EPN2: variants seen among roughly 807,000 people sequenced by gnomAD.
The protein encoded by EPN2 is epsin-2.
EPN2 carries 34 observed loss-of-function variants against 61.7 expected under a neutral mutation model. The observed-to-expected ratio is 0.55, with a 90% CI of 0.42 to 0.73. EPN2 has a LOEUF of 0.73. EPN2 is among the 30% of genes least tolerant of loss of function. The pLI, the probability that EPN2 is intolerant of heterozygous loss-of-function variation, is 0.00. For missense variants in EPN2, 714 were observed against 839.2 expected, an observed-to-expected ratio of 0.85 and a Z score of 1.84; for synonymous variants, 349 against 353.6, an observed-to-expected ratio of 0.99 and a Z score of 0.15.
chr17:19,260,043 T>G (rs137890813), intron 1 of EPN2, among the ~76,000 whole-genome samples: 3 of 152,332 alleles, frequency 2.0e-5, no homozygotes, highest in Non-Finnish European at 4.4e-5. Flanking sequence ...CCACACTCCC[T>G]GTGGACTGTG....
intron 9 of EPN2, chr17:19,330,567 G>C (rs1907112027): frequency 1.3e-5 from 2 of 152,436 alleles, no homozygotes; most frequent in African/African-American, 4.8e-5. Flanking sequence ...GCTTTTTTGG[G>C]TCTTTCCTTT....
chr17:19,286,961 G>A (rs1010768106), intron 4 of EPN2, among the ~76,000 whole-genome samples: 17 of 152,260 alleles, frequency 1.1e-4, no homozygotes, highest in Admixed American at 3.3e-4. Context: ...AGCAGGTCCC[G>A]CGGAACTCTC....
In EPN2 at chr17:19,336,671, G is replaced by C. The variant is rs904114940; in HGVS notation, c.*2417G>C. The C allele has an allele frequency of 6.6e-6, 1 of 152,604 alleles. No homozygotes were observed. The highest frequency in any genetic ancestry group is 1.5e-5 in the Non-Finnish European group (1 of 68,064). 9.5% of individuals were successfully genotyped at this position (152,604 alleles called of 1,614,324 possible). On this transcript the variant is annotated 3_prime_UTR_variant, in exon 11 of 11. Coordinates refer to ENST00000314728, the MANE Select transcript of EPN2 (RefSeq NM_014964.5). Reference sequence around the variant, plus strand: ...TGGTTTTGAACTTGTGTTGACTGTTGATACTTATTTACTGTATAAATATAA... The same window carrying C: ...TGGTTTTGAACTTGTGTTGACTGTTCATACTTATTTACTGTATAAATATAA...
At chr17:19,273,593 G>A (rs1461914424) in intron 1 of EPN2, among the ~76,000 whole-genome samples, 2 of 152,016 alleles carry the variant, frequency 1.3e-5, no homozygotes, top group African/African-American at 4.8e-5. Flanking sequence ...TGAACTCCTG[G>A]GCTCAAGTGA....
intron 10 of EPN2, among the ~76,000 whole-genome samples, chr17:19,332,731 C>G (rs915936479): frequency 6.6e-6 from 1 of 152,218 alleles, no homozygotes; most frequent in Non-Finnish European, 1.5e-5. Flanking sequence ...CCTGGAATGT[C>G]CTCCCTCCTC....
chr17:19,302,091 C>A (rs1469383768), intron 4 of EPN2, among the ~76,000 whole-genome samples: 1 of 152,226 alleles, frequency 6.6e-6, no homozygotes, highest in Non-Finnish European at 1.5e-5. Context: ...AGAGCCAGAC[C>A]TTCAGGGTCA....
intron 1 of EPN2, among the ~76,000 whole-genome samples, chr17:19,255,452 ATTT>A (rs2045064906): frequency 7.9e-6 from 1 of 126,326 alleles, no homozygotes; most frequent in African/African-American, 3.7e-5. Context: ...TTATTTATTT[ATTT>A]ATTTATTTAT....
chr17:19,237,715 A>T (rs548077315), intron 1 of EPN2, among the ~76,000 whole-genome samples, 184 bp downstream of exon 1: 1 of 151,680 alleles, frequency 6.6e-6, no homozygotes, highest in Admixed American at 6.6e-5. Flanking sequence ...CTTCTTTCCA[A>T]CCAGGCCCCG....
intron 1 of EPN2, among the ~76,000 whole-genome samples, chr17:19,271,339 G>A (rs189904760): frequency 2.0e-5 from 3 of 152,186 alleles, no homozygotes; most frequent in East Asian, 1.9e-4. Context: ...GAGGAAGGAC[G>A]CTGGGTGGGG....
chr17:19,259,008 C>T (rs568189143), intron 1 of EPN2, among the ~76,000 whole-genome samples: 1 of 152,304 alleles, frequency 6.6e-6, no homozygotes, highest in East Asian at 1.9e-4. Context: ...TAAAAGGCTA[C>T]TGTGAAGGAA....
At chr17:19,299,719 A>G (rs16960499) in intron 4 of EPN2, among the ~76,000 whole-genome samples, 27,137 of 152,166 alleles carry the variant, frequency 0.18, 3,133 homozygotes, top group East Asian at 0.6. Context: ...CATGCAGACA[A>G]ATGAATGGAC....
chr17:19,288,008 C>T (rs1354349060), intron 4 of EPN2, among the ~76,000 whole-genome samples: 1 of 152,240 alleles, frequency 6.6e-6, no homozygotes, highest in African/African-American at 2.4e-5. Flanking sequence ...GTCATTATCT[C>T]CCAGTCTCAC....
At chr17:19,238,563 T>G (rs2152195695) in intron 1 of EPN2, among the ~76,000 whole-genome samples, 1 of 152,276 alleles carries the variant, frequency 6.6e-6, no homozygotes, top group East Asian at 1.9e-4. Flanking sequence ...CGGAGAGGGC[T>G]TAACCATCAT....
At chr17:19,310,739 G>A (rs895228107) in intron 5 of EPN2, among the ~76,000 whole-genome samples, 5 of 151,414 alleles carry the variant, frequency 3.3e-5, no homozygotes, top group African/African-American at 9.7e-5. Context: ...CACCATGCCC[G>A]GCTAATTTTT....
intron 4 of EPN2, chr17:19,307,849 C>T: frequency 1.1e-6 from 1 of 936,932 alleles, no homozygotes; most frequent in South Asian, 4.9e-5. Context: ...TGCATTTAGG[C>T]CTCTTCCCCT....
chr17:19,290,720 A>AAAAAAT (rs1555600084), intron 4 of EPN2, among the ~76,000 whole-genome samples: 1 of 105,576 alleles, frequency 9.5e-6, no homozygotes, highest in Non-Finnish European at 1.9e-5. Flanking sequence ...AAAAAAGAAA[A>AAAAAAT]AAAAAGAAAA....
chr17:19,308,085 A>AT (rs916304971), intron 4 of EPN2: 25 of 950,742 alleles, frequency 2.6e-5, no homozygotes, highest in Non-Finnish European at 3.0e-5. Context: ...ACATTTATTT[A>AT]TTTTTTGAGA....
chr17:19,313,538 C>G, intron 7 of EPN2: 1 of 403,822 alleles, frequency 2.5e-6, no homozygotes, highest in Non-Finnish European at 4.4e-6. Flanking sequence ...CCATTTGCAT[C>G]AGAAATGGCT....
chr17:19,329,528 TG>T, intron 8 of EPN2, 32 bp from the exon 9 acceptor site: 5 of 1,409,814 alleles, frequency 3.5e-6, no homozygotes, highest in Non-Finnish European at 5.0e-6. Flanking sequence ...TCCTGTGAGA[TG>T]CCCCCAGTCA....
Sources: allele counts gnomAD v4.1 joint callset (sites outside exome capture counted in the v4.1 genomes callset), GRCh38; gene constraint gnomAD v4.1.1; transcripts MANE v1.5; gene names NCBI Gene and HGNC (gene_info 2026-07-23, HGNC 2026-07-21).